The following WDFY4 variants were observed in gnomAD, a reference collection of about 807,000 sequenced individuals.
WDFY4 encodes the protein WD repeat- and FYVE domain-containing protein 4.
A neutral mutation model predicts 351.9 loss-of-function variants in WDFY4; 169 were observed. The observed-to-expected ratio is 0.48, with a 90% CI of 0.42 to 0.55. The LOEUF is 0.55. WDFY4 is among the 20% of genes least tolerant of loss of function. The probability of loss-of-function intolerance (pLI) is 0.00; values close to 1 mark genes in which losing one functional copy is unlikely to be tolerated. For synonymous variants in WDFY4, 1,622 were observed against 1,574.6 expected (o/e 1.03, Z -0.71); for missense variants, 3,803 against 3,935.6 (o/e 0.97, Z 0.90).
chr10:48,776,265 A>G (rs950386516), intron 15 of WDFY4, among the ~76,000 whole-genome samples: 2 of 152,252 alleles, frequency 1.3e-5, no homozygotes, highest in African/African-American at 4.8e-5. Context: ...ACTCGTGGAC[A>G]TCTTGAATGT....
rs3081490 is a variant in WDFY4 at position 48,928,353 on chromosome 10, C to CGTGTGTGTGTGTGTGTGT, written c.7587-13426_7587-13409dup. On this transcript the variant is annotated intron_variant, in intron 47 of 61. Transcript: ENST00000325239. ...TGGCCCTTGGAGGCTTTGGTTTTGA[C>CGTGTGTGTGTGTGTGTGT]GTGTGTGTGTGTGTGTGTGTGTGTG... Among the ~76,000 whole-genome samples, 42 of 125,044 alleles carry CGTGTGTGTGTGTGTGTGT rather than the reference C, an allele frequency of 3.4e-4. 1 individual carries two copies. The highest frequency in any genetic ancestry group is 6.4e-4 in the South Asian group (2 of 3,104). The allele number at this position is 125,044 out of a possible 152,430, so 82.0% of individuals were successfully genotyped here.
At chr10:48,934,843 A>C (rs1020926078) in intron 47 of WDFY4, among the ~76,000 whole-genome samples, 1 of 152,182 alleles carries the variant, frequency 6.6e-6, no homozygotes, top group Non-Finnish European at 1.5e-5. Context: ...ACAGAGACCC[A>C]GACTTTGGAG....
chr10:48,800,164 G>A lies in WDFY4; in HGVS notation c.4411-3122G>A, dbSNP rs145797312. ...CTTCCAAAGCCCTGGGATTACAAGC[G>A]TGAGCCACCGCGCCCAGCCGGTTTC... On this transcript the variant is annotated intron_variant, in intron 24 of 61. Coordinates refer to ENST00000325239, the MANE Select transcript of WDFY4 (RefSeq NM_001394531.1). Among the ~76,000 whole-genome samples, 928 of 152,318 alleles carry A rather than the reference G, an allele frequency of 6.1e-3. 10 individuals are homozygous for A. Among genetic ancestry groups the A allele is most frequent in the African/African-American group, 0.021 (861 of 41,556 alleles).
At chr10:48,701,311 C>T (rs1339906169) in intron 1 of WDFY4, among the ~76,000 whole-genome samples, 1 of 152,216 alleles carries the variant, frequency 6.6e-6, no homozygotes, top group Non-Finnish European at 1.5e-5. Flanking sequence ...ACACATTCAT[C>T]TATCATTGGA....
rs1565199108 is a variant in WDFY4 at position 48,787,944 on chromosome 10, T to TCTTCTC, written c.3809-581_3809-580insCCTTCT. Among the ~76,000 whole-genome samples, 50 of 97,046 alleles carry TCTTCTC rather than the reference T, an allele frequency of 5.2e-4. 1 individual carries two copies. Among genetic ancestry groups the TCTTCTC allele is most frequent in the South Asian group, 3.1e-3 (8 of 2,568 alleles). 63.7% of individuals were successfully genotyped at this position (97,046 alleles called of 152,430 possible). On this transcript the variant is annotated intron_variant, in intron 20 of 61. Coordinates refer to ENST00000325239, the MANE Select transcript of WDFY4 (RefSeq NM_001394531.1). Reference sequence around the variant, plus strand: ...TTCTTCTTCTTCTTCTTCTTCTTCTTCTTCTTCTTCTTCTTCTTCTTCTTC... The same window carrying TCTTCTC: ...TTCTTCTTCTTCTTCTTCTTCTTCTTCTTCTCCTTCTTCTTCTTCTTCTTCTTCTTC...
In WDFY4 at chr10:48,900,291, G is replaced by A. The variant is rs1018078062; in HGVS notation, c.7508G>A (p.Ser2503Asn). Residue 2503 changes from serine (S) to asparagine (N), a missense_variant, in exon 46 of 62, where the codon AGT (serine) becomes AAT (asparagine). Transcript: ENST00000325239. ...CTTGTCTTCTACAACAATGATCGGA[G>A]TAAGGCCTTTAAAAGGTAAGAGCTT... Reference protein sequence around the residue: ...KFLVFYNNDRSKAFKSFCSFQ... With the variant: ...KFLVFYNNDRNKAFKSFCSFQ... 2.6e-6 allele frequency: 4 copies of A among 1,551,382 alleles called. No homozygotes were observed. Among genetic ancestry groups the A allele is most frequent in the Non-Finnish European group, 3.5e-6 (4 of 1,146,902 alleles).
At chr10:48,724,261 G>A (rs960862235) in intron 5 of WDFY4, among the ~76,000 whole-genome samples, 11 of 152,118 alleles carry the variant, frequency 7.2e-5, no homozygotes, top group African/African-American at 2.7e-4. Context: ...AGTGTCTGCA[G>A]TGTCTCACAC....
intron 39 of WDFY4, among the ~76,000 whole-genome samples, chr10:48,864,998 G>T (rs138850206): frequency 1.4e-4 from 22 of 152,280 alleles, no homozygotes; most frequent in Non-Finnish European, 3.1e-4. Context: ...ATAGAATCCT[G>T]CCATCTGTGA....
At chr10:48,803,764 A>C (rs2132856512) in intron 25 of WDFY4, among the ~76,000 whole-genome samples, 1 of 152,366 alleles carries the variant, frequency 6.6e-6, no homozygotes, top group East Asian at 1.9e-4. Context: ...GAGGAGGGAA[A>C]AAAGAATACA....
Position 48,790,923 on chromosome 10 carries a change from C to T in WDFY4, c.4257+6C>T. ...AACACATCTGTGGGTACCAGGTAAT[C>T]CCATCCTCCCACCTGGAACTGAGAC... On this transcript the variant is annotated splice_donor_region_variant and intron_variant, in intron 23 of 61. Coordinates refer to ENST00000325239, the MANE Select transcript of WDFY4 (RefSeq NM_001394531.1). 2 of 1,551,482 alleles carry T rather than the reference C, an allele frequency of 1.3e-6. No homozygotes were observed. Among genetic ancestry groups the T allele is most frequent in the East Asian group, 4.9e-5 (2 of 40,918 alleles).
intron 1 of WDFY4, among the ~76,000 whole-genome samples, chr10:48,699,714 C>T (rs2063427821): frequency 6.6e-6 from 1 of 152,222 alleles, no homozygotes; most frequent in African/African-American, 2.4e-5. Context: ...TCCAGCTTTG[C>T]CTGAGACACT....
intron 39 of WDFY4, among the ~76,000 whole-genome samples, chr10:48,845,666 A>T (rs140353842): frequency 5.8e-4 from 88 of 152,300 alleles, no homozygotes; most frequent in Middle Eastern, 3.4e-3. Flanking sequence ...TATCCAGTTC[A>T]TCTTAATTTT....
Position 48,832,729 on chromosome 10 carries a change from C to T in WDFY4, c.6663+20C>T. ...ACAGAGGTGAGCCCAGACCCCTTTT[C>T]CTCAGAAAAGTATCAGGCATTTGCT... On this transcript the variant is annotated intron_variant, in intron 39 of 61. Coordinates refer to ENST00000325239, the MANE Select transcript of WDFY4 (RefSeq NM_001394531.1). 6.6e-7 allele frequency: 1 copy of T among 1,505,192 alleles called. No homozygotes were observed. Among genetic ancestry groups the T allele is most frequent in the Non-Finnish European group, 8.9e-7 (1 of 1,120,966 alleles). The allele number at this position is 1,505,192 out of a possible 1,614,324, so 93.2% of individuals were successfully genotyped here.
chr10:48,951,094 A>T (rs1173447937), intron 51 of WDFY4, among the ~76,000 whole-genome samples: 2 of 152,242 alleles, frequency 1.3e-5, no homozygotes, highest in African/African-American at 2.4e-5. Flanking sequence ...AACACTGGGT[A>T]TAAGGAGTGT....
chr10:48,725,386 G>A (rs1213684428), intron 5 of WDFY4, among the ~76,000 whole-genome samples: 1 of 152,172 alleles, frequency 6.6e-6, no homozygotes, highest in Non-Finnish European at 1.5e-5. Flanking sequence ...TGGAGAGGGA[G>A]GTTTTGCAAG....
In WDFY4 at chr10:48,747,809, A is replaced by T. The variant is rs111519299; in HGVS notation, c.2459+4261A>T. ...TTCTTCTTGTGTTTTTTGAGAGTATATTGTTTCTGTGACAATCATGGAAGG... is the reference window on the plus strand; with the variant it reads ...TTCTTCTTGTGTTTTTTGAGAGTATTTTGTTTCTGTGACAATCATGGAAGG... On this transcript the variant is annotated intron_variant, in intron 12 of 61. Transcript: ENST00000325239. 9.3e-4 allele frequency among the ~76,000 whole-genome samples: 141 copies of T among 152,164 alleles called. 1 individual carries two copies. Among genetic ancestry groups the T allele is most frequent in the African/African-American group, 3.2e-3 (134 of 41,498 alleles).
chr10:48,805,795 A>G (rs1904603), intron 26 of WDFY4, among the ~76,000 whole-genome samples: 46,520 of 152,068 alleles, frequency 0.31, 7,520 homozygotes, highest in East Asian at 0.5. Context: ...GTCACTATCT[A>G]ATTGATCAGG....
At position 48,734,146 on chromosome 10, in the gene WDFY4, C is replaced by T. The variant is rs1033089511; in HGVS notation, c.1687+111C>T. On this transcript the variant is annotated intron_variant, in intron 10 of 61. Coordinates refer to ENST00000325239, the MANE Select transcript of WDFY4 (RefSeq NM_001394531.1). ...TACTCAAGGAGTAACCAATACACAG[C>T]GTTAGCTGTGGCTAATGATCCTCTC... is the stretch of plus-strand genomic sequence containing the variant. 18 of 907,348 alleles carry T rather than the reference C, an allele frequency of 2.0e-5. 1 individual carries two copies. Among genetic ancestry groups the T allele is most frequent in the Admixed American group, 1.5e-4 (6 of 40,774 alleles). The allele number at this position is 907,348 out of a possible 1,614,324, so 56.2% of individuals were successfully genotyped here. A position where few individuals can be genotyped will look rare whatever the true frequency, so the allele number is the denominator to read the frequency against.
At chr10:48,826,351 A>T (rs1047433100) in intron 35 of WDFY4, among the ~76,000 whole-genome samples, 2 of 152,178 alleles carry the variant, frequency 1.3e-5, no homozygotes, top group Non-Finnish European at 2.9e-5. Flanking sequence ...CAAAAACAGT[A>T]CACTGTTTGG....
Sources: allele counts gnomAD v4.1 joint callset (sites outside exome capture counted in the v4.1 genomes callset), GRCh38; gene constraint gnomAD v4.1.1; transcripts MANE v1.5; gene names NCBI Gene and HGNC (gene_info 2026-07-23, HGNC 2026-07-21).